The following TIPIN variants were observed in gnomAD, a reference collection of about 807,000 sequenced individuals.
TIPIN encodes the protein TIMELESS interacting protein.
TIPIN carries 29 observed loss-of-function variants against 35.6 expected under a neutral mutation model. That is an observed-to-expected ratio of 0.82 (90% confidence interval 0.61 to 1.11). TIPIN has a LOEUF of 1.11. Among genes scored for constraint, TIPIN ranks in the 50% most tolerant of loss-of-function variants. The pLI, the probability that TIPIN is intolerant of heterozygous loss-of-function variation, is 0.00. For missense variants in TIPIN, 296 were observed against 345.4 expected (o/e 0.86, Z 1.13); for synonymous variants, 102 against 121.5 (o/e 0.84, Z 1.06).
At chr15:66,377,510 G>A (rs1391939751) in intron 1 of TIPIN, among the ~76,000 whole-genome samples, 9 of 148,766 alleles carry the variant, frequency 6.0e-5, no homozygotes, top group East Asian at 2.0e-4. Context: ...GACTACAGGC[G>A]CGTGCCACCA....
chr15:66,371,927 T>A (rs2093279222), intron 1 of TIPIN, among the ~76,000 whole-genome samples: 1 of 152,132 alleles, frequency 6.6e-6, no homozygotes, highest in Admixed American at 6.6e-5. Context: ...CCTGAGTAGG[T>A]GGGACTACAG....
intron 6 of TIPIN, among the ~76,000 whole-genome samples, chr15:66,343,670 G>C (rs1309400579): frequency 1.3e-5 from 2 of 152,184 alleles, no homozygotes; most frequent in Non-Finnish European, 2.9e-5. Context: ...GTATATGTAT[G>C]AAACATTGCT....
Position 66,356,499 on chromosome 15 carries a change from C to T in TIPIN, c.-9+140G>A, listed in dbSNP as rs568764849. ...TCCAGGCCGGGTCAGGTCGACCCCCCAACCTCCTGACCCCCTTCCTGCGAC... is the reference window on the plus strand; with the variant it reads ...TCCAGGCCGGGTCAGGTCGACCCCCTAACCTCCTGACCCCCTTCCTGCGAC... On this transcript the variant is annotated intron_variant, in intron 1 of 7. Coordinates refer to ENST00000261881, the MANE Select transcript of TIPIN (RefSeq NM_017858.3). 8.2e-5 allele frequency: 56 copies of T among 679,854 alleles called. 1 individual carries two copies. The East Asian group carries it at 6.6e-3, about 80-fold the overall frequency. 42.1% of individuals were successfully genotyped at this position (679,854 alleles called of 1,614,324 possible). A position where few individuals can be genotyped will look rare whatever the true frequency, so the allele number is the denominator to read the frequency against.
chr15:66,337,920 A>T (rs1050790080), intron 7 of TIPIN, among the ~76,000 whole-genome samples: 1 of 151,944 alleles, frequency 6.6e-6, no homozygotes, highest in Non-Finnish European at 1.5e-5. Flanking sequence ...TTCAACTCAC[A>T]CTCTTGGATC....
At chr15:66,364,137 C>G (rs1475418485) in intron 1 of TIPIN, among the ~76,000 whole-genome samples, 2 of 149,384 alleles carry the variant, frequency 1.3e-5, no homozygotes, top group African/African-American at 4.9e-5. Context: ...TATCAACATG[C>G]TATAGAGAAA....
At chr15:66,359,805 T>A (rs950913830), upstream of TIPIN, among the ~76,000 whole-genome samples, 2 of 152,192 alleles carry the variant, frequency 1.3e-5, no homozygotes, top group Non-Finnish European at 2.9e-5. Context: ...AAAAAAGTTA[T>A]ACACCTTCCC....
At chr15:66,338,101 C>A (rs1003260572) in intron 7 of TIPIN, among the ~76,000 whole-genome samples, 1 of 151,976 alleles carries the variant, frequency 6.6e-6, no homozygotes, top group Non-Finnish European at 1.5e-5. Context: ...ACAAAAAATA[C>A]AAAAATTAGC....
intron 7 of TIPIN, among the ~76,000 whole-genome samples, chr15:66,339,695 T>C (rs2093071531): frequency 6.6e-6 from 1 of 152,112 alleles, no homozygotes; most frequent in Non-Finnish European, 1.5e-5. Context: ...ATCACACCAC[T>C]GCACTCTAGC....
At chr15:66,368,725 A>G (rs1758895338) in intron 1 of TIPIN, among the ~76,000 whole-genome samples, 1 of 152,170 alleles carries the variant, frequency 6.6e-6, no homozygotes, top group African/African-American at 2.4e-5. Flanking sequence ...AACTGGAGAA[A>G]GGTATGATAG....
At chr15:66,362,786 G>T (rs529324824) in intron 1 of TIPIN, among the ~76,000 whole-genome samples, 3 of 152,120 alleles carry the variant, frequency 2.0e-5, no homozygotes, top group African/African-American at 7.2e-5. Flanking sequence ...AAAAGACCAT[G>T]AACTATCTCA....
At chr15:66,376,668 A>AC (rs1028787126) in intron 1 of TIPIN, among the ~76,000 whole-genome samples, 23 of 149,124 alleles carry the variant, frequency 1.5e-4, no homozygotes, top group African/African-American at 2.7e-4. Flanking sequence ...ACCTCAAGTG[A>AC]CCCCCCCACT....
At chr15:66,354,889 T>TCAGGTTTTATTTATACAGTTA (rs1276356018) in intron 1 of TIPIN, among the ~76,000 whole-genome samples, 3 of 152,150 alleles carry the variant, frequency 2.0e-5, no homozygotes, top group Non-Finnish European at 2.9e-5. Flanking sequence ...AGTTTCAATA[T>TCAGGTTTTATTTATACAGTTA]CAGGTTTTAT....
At chr15:66,380,048 C>G in intron 1 of TIPIN, 1 of 437,830 alleles carries the variant, frequency 2.3e-6, no homozygotes, top group South Asian at 2.2e-5. Context: ...GTCACCCAGG[C>G]TGGAGTGCAG....
chr15:66,337,279 A>G, intron 7 of TIPIN, 98 bp from the exon 8 acceptor site: 2 of 859,880 alleles, frequency 2.3e-6, no homozygotes, highest in Non-Finnish European at 3.5e-6. Context: ...AGTAAAATGA[A>G]GTCTAAGATC....
At chr15:66,371,739 G>A (rs917803695) in intron 1 of TIPIN, among the ~76,000 whole-genome samples, 8 of 151,800 alleles carry the variant, frequency 5.3e-5, no homozygotes, top group Admixed American at 2.0e-4. Flanking sequence ...GAATGGTCTC[G>A]ATCTCCTGAC....
At chr15:66,382,228 T>C (rs1361738683) in intron 1 of TIPIN, 2 of 397,926 alleles carry the variant, frequency 5.0e-6, no homozygotes, top group Non-Finnish European at 6.8e-6. Context: ...ATTTTATAGG[T>C]AAATTAACTG....
rs111551444 is a variant in TIPIN at position 66,352,305 on chromosome 15, A to G, written c.134-98T>C. The G allele has an allele frequency of 2.5e-4, 246 of 966,590 alleles. 1 individual carries two copies. In the African/African-American group the frequency reaches 3.6e-3, roughly 14 times the overall value. The allele number at this position is 966,590 out of a possible 1,614,324, so 59.9% of individuals were successfully genotyped here. A position where few individuals can be genotyped will look rare whatever the true frequency, so the allele number is the denominator to read the frequency against. On this transcript the variant is annotated intron_variant, in intron 2 of 7. Transcript: ENST00000261881. Reference sequence around the variant, plus strand: ...AGCTGATAAGATAACTAAACATGGGACACCTTTTTTTGAAACAGGGTCTCA... The same window carrying G: ...AGCTGATAAGATAACTAAACATGGGGCACCTTTTTTTGAAACAGGGTCTCA...
At chr15:66,342,039 C>T (rs2140443621) in intron 6 of TIPIN, among the ~76,000 whole-genome samples, 1 of 152,046 alleles carries the variant, frequency 6.6e-6, no homozygotes, top group African/African-American at 2.4e-5. Flanking sequence ...CAAAAATTAG[C>T]TGGGCATGGT....
At chr15:66,364,163 T>TC (rs1566981959) in intron 1 of TIPIN, among the ~76,000 whole-genome samples, 1 of 132,874 alleles carries the variant, frequency 7.5e-6, no homozygotes, top group Non-Finnish European at 1.6e-5. Context: ...CTTTTCTTTT[T>TC]TTTTTTTTTT....
Sources: allele counts gnomAD v4.1 joint callset (sites outside exome capture counted in the v4.1 genomes callset), GRCh38; gene constraint gnomAD v4.1.1; transcripts MANE v1.5; gene names NCBI Gene and HGNC (gene_info 2026-07-23, HGNC 2026-07-21).